Variants in GSTCD observed in about 807,000 individuals in gnomAD.
GSTCD encodes the protein glutathione S-transferase C-terminal domain-containing protein.
A neutral mutation model predicts 68.3 loss-of-function variants in GSTCD; 44 were observed. The ratio of observed to expected loss-of-function variants is 0.64; its 90% CI spans 0.51 to 0.83. The LOEUF (loss-of-function observed/expected upper bound fraction) is 0.83, where lower values mean the gene tolerates loss of function less well. Among genes scored for constraint, GSTCD ranks in the 40% least tolerant of loss-of-function variants. The pLI, the probability that GSTCD is intolerant of heterozygous loss-of-function variation, is 0.00. For synonymous variants in GSTCD, 273 were observed against 255.2 expected (o/e 1.07, Z -0.67); for missense variants, 739 against 735.9 (o/e 1.00, Z -0.05).
At chr4:105,842,268 C>CA in intron 11 of GSTCD, 134 bp downstream of exon 11, 1 of 652,550 alleles carries the variant, frequency 1.5e-6, no homozygotes, top group Non-Finnish European at 2.7e-6. Context: ...ATGTTCTTCC[C>CA]AAAAAAACTT....
chr4:105,719,404 A>G lies in GSTCD; in HGVS notation c.771A>G (p.Arg257=), dbSNP rs372697853. 35 of 1,614,006 alleles carry G rather than the reference A, an allele frequency of 2.2e-5. No homozygotes were observed. The highest frequency in any genetic ancestry group is 8.3e-5 in the Admixed American group (5 of 59,964). ...AGGAAGAACCAGCTACTACCAACAG[A>G]GAGCCTTCTCACATCAGAAAAGCAA... ...TVQEEPATTN[R]EPSHIRKAKA... The change falls in exon 3 of 12, where the codon AGA becomes AGG. Residue 257 remains arginine (R), a synonymous_variant. Transcript: ENST00000515279.
At chr4:105,712,552 G>C (rs1732569309) in intron 1 of GSTCD, 6 of 152,238 alleles carry the variant, frequency 3.9e-5, no homozygotes, top group Admixed American at 3.9e-4. Flanking sequence ...CGAGACATCT[G>C]ATTTATGTTT....
Position 105,722,745 on chromosome 4 carries a change from T to A in GSTCD, c.894+3218T>A, listed in dbSNP as rs535384876. ...TGCTTTGATAGCTATGCTTTTTTTTTAAACCTTTGTTTTAAAAATAGATCA... is the reference window on the plus strand; with the variant it reads ...TGCTTTGATAGCTATGCTTTTTTTTAAAACCTTTGTTTTAAAAATAGATCA... On this transcript the variant is annotated intron_variant, in intron 3 of 11. Coordinates refer to ENST00000515279, the MANE Select transcript of GSTCD (RefSeq NM_001370181.1). Among the ~76,000 whole-genome samples the A allele has an allele frequency of 5.9e-5, 9 of 152,070 alleles. No homozygotes were observed. The East Asian group carries it at 1.3e-3, about 23-fold the overall frequency.
chr4:105,847,603 T>G lies in GSTCD; in HGVS notation c.*2026T>G, dbSNP rs1014320017. The G allele has an allele frequency of 3.3e-5, 5 of 152,216 alleles. No homozygotes were observed. Among genetic ancestry groups the G allele is most frequent in the Non-Finnish European group, 7.4e-5 (5 of 68,024 alleles). 9.4% of individuals were successfully genotyped at this position (152,216 alleles called of 1,614,324 possible). On this transcript the variant is annotated 3_prime_UTR_variant, in exon 12 of 12. Coordinates refer to ENST00000515279, the MANE Select transcript of GSTCD (RefSeq NM_001370181.1). ...CATTGAGAATATTTTTTCCAGTCTG[T>G]GGCTTACCTACTTATTTTCATAATG...
Position 105,729,242 on chromosome 4 carries a change from A to G in GSTCD, c.1147-164A>G, listed in dbSNP as rs566306393. On this transcript the variant is annotated intron_variant, in intron 4 of 11. Coordinates refer to ENST00000515279, the MANE Select transcript of GSTCD (RefSeq NM_001370181.1). ...ATTGTGATGTCAAAATACTCAACAC[A>G]TGGTATTTTTATTTAATTAAAATAT... 1.1e-4 allele frequency among the ~76,000 whole-genome samples: 17 copies of G among 152,288 alleles called. 1 individual carries two copies. The South Asian group carries it at 2.3e-3, about 20-fold the overall frequency.
chr4:105,798,829 A>G (rs180847726), intron 5 of GSTCD, among the ~76,000 whole-genome samples: 79 of 152,316 alleles, frequency 5.2e-4, no homozygotes, highest in Non-Finnish European at 1.0e-3. Flanking sequence ...TTCAACATAA[A>G]GTCTCCAGCT....
At chr4:105,829,811 A>G (rs1315309211) in intron 8 of GSTCD, among the ~76,000 whole-genome samples, 1 of 152,186 alleles carries the variant, frequency 6.6e-6, no homozygotes, top group Non-Finnish European at 1.5e-5. Flanking sequence ...CATTAGTGAA[A>G]CAAGGATATA....
rs549912124 is a variant in GSTCD at position 105,775,460 on chromosome 4, T to A, written c.1240+45961T>A. On this transcript the variant is annotated intron_variant, in intron 5 of 11. Coordinates refer to ENST00000515279, the MANE Select transcript of GSTCD (RefSeq NM_001370181.1). ...TTTGGAATTTATAGGCTTTTGGCAC[T>A]GGTTTTTCATCATCTTCGTGGATTT... 1.1e-4 allele frequency among the ~76,000 whole-genome samples: 16 copies of A among 152,364 alleles called. No individual in the cohort carries two copies. The South Asian group carries it at 3.3e-3, about 32-fold the overall frequency.
intron 11 of GSTCD, among the ~76,000 whole-genome samples, chr4:105,845,007 A>G (rs1724492479): frequency 6.6e-6 from 1 of 152,248 alleles, no homozygotes; most frequent in Non-Finnish European, 1.5e-5. Flanking sequence ...CTTCAGCTGG[A>G]AAAGCTAATG....
At chr4:105,732,967 C>G (rs1286806547) in intron 5 of GSTCD, among the ~76,000 whole-genome samples, 7 of 152,172 alleles carry the variant, frequency 4.6e-5, no homozygotes, top group Non-Finnish European at 8.8e-5. Flanking sequence ...CATTCAGGAG[C>G]AGGTTGTTCA....
At chr4:105,748,414 C>A (rs1446852149) in intron 5 of GSTCD, among the ~76,000 whole-genome samples, 1 of 152,148 alleles carries the variant, frequency 6.6e-6, no homozygotes, top group South Asian at 2.1e-4. Flanking sequence ...AAATTCAAAA[C>A]CTGCCCATAT....
chr4:105,721,214 C>T (rs541890245), intron 3 of GSTCD, among the ~76,000 whole-genome samples: 4 of 152,178 alleles, frequency 2.6e-5, no homozygotes, highest in African/African-American at 7.2e-5. Context: ...CCTTGTGATC[C>T]GCCCACCTCA....
intron 5 of GSTCD, among the ~76,000 whole-genome samples, chr4:105,732,176 G>A (rs538617682): frequency 2.0e-5 from 3 of 152,178 alleles, no homozygotes; most frequent in Admixed American, 1.3e-4. Context: ...TTTCTGCCAG[G>A]CTTTGGTATC....
chr4:105,757,377 G>A (rs2149232553), intron 5 of GSTCD, among the ~76,000 whole-genome samples: 1 of 152,172 alleles, frequency 6.6e-6, no homozygotes. Flanking sequence ...CTACCTTATT[G>A]TTTTCACTAA....
At chr4:105,791,369 G>A (rs950191988) in intron 5 of GSTCD, among the ~76,000 whole-genome samples, 11 of 150,156 alleles carry the variant, frequency 7.3e-5, no homozygotes, top group Non-Finnish European at 1.0e-4. Context: ...CTCCAGCCTG[G>A]GCAACAGAGC....
intron 1 of GSTCD, among the ~76,000 whole-genome samples, chr4:105,712,211 A>G (rs547998673): frequency 2.0e-5 from 3 of 152,298 alleles, no homozygotes; most frequent in South Asian, 4.1e-4. Flanking sequence ...AAGGGAAGCT[A>G]GGTAAGAGGC....
chr4:105,801,556 A>G (rs1456881939), intron 5 of GSTCD, among the ~76,000 whole-genome samples: 2 of 152,136 alleles, frequency 1.3e-5, no homozygotes, highest in Non-Finnish European at 1.5e-5. Context: ...ATTATGATTT[A>G]ATTTGATGAA....
chr4:105,741,337 T>C (rs1321971851), intron 5 of GSTCD, among the ~76,000 whole-genome samples: 1 of 152,198 alleles, frequency 6.6e-6, no homozygotes, highest in Non-Finnish European at 1.5e-5. Flanking sequence ...ACAAAGATAG[T>C]AAAGAATTTG....
At chr4:105,786,252 G>C (rs183558246) in intron 5 of GSTCD, among the ~76,000 whole-genome samples, 1 of 151,176 alleles carries the variant, frequency 6.6e-6, no homozygotes, top group East Asian at 1.9e-4. Context: ...GCTCATGCCT[G>C]TAAATCCTAG....
Sources: gnomAD v4.1 joint callset for allele counts (sites outside exome capture counted in the v4.1 genomes callset) on GRCh38, gnomAD v4.1.1 for gene constraint, MANE v1.5 for transcripts, NCBI Gene and HGNC (gene_info 2026-07-23, HGNC 2026-07-21) for gene names.